KCNMA1: variants seen among roughly 807,000 people sequenced by gnomAD.
The protein encoded by KCNMA1 is Calcium-activated potassium channel subunit alpha-1.
A neutral mutation model predicts 140.0 loss-of-function variants in KCNMA1; 29 were observed. That is an observed-to-expected ratio of 0.21 (90% CI 0.15 to 0.28). KCNMA1 has a LOEUF of 0.28. KCNMA1 is among the 10% of genes least tolerant of loss of function. The pLI is 1.00. For missense variants in KCNMA1, 880 were observed against 1,602.2 expected (o/e 0.55, Z 7.70); for synonymous variants, 612 against 611.9 (o/e 1.00, Z 0.00).
At chr10:77,062,017 T>C (rs1182299530) in intron 14 of KCNMA1, among the ~76,000 whole-genome samples, 3 of 152,202 alleles carry the variant, frequency 2.0e-5, no homozygotes, top group Admixed American at 2.0e-4. Flanking sequence ...AGGGTGTGAC[T>C]GTACAGCATG....
intron 3 of KCNMA1, among the ~76,000 whole-genome samples, chr10:77,237,035 T>G (rs2055747482): frequency 6.6e-6 from 1 of 152,262 alleles, no homozygotes; most frequent in Non-Finnish European, 1.5e-5. Context: ...TCGTCCATTA[T>G]TCTGATAACC....
chr10:77,601,329 G>A (rs1488665327), intron 1 of KCNMA1, among the ~76,000 whole-genome samples: 14 of 152,134 alleles, frequency 9.2e-5, no homozygotes, highest in Admixed American at 6.5e-4. Flanking sequence ...AAGGACGGAC[G>A]ATCTCTAAGA....
At chr10:77,320,466 A>T (rs1009517448) in intron 2 of KCNMA1, among the ~76,000 whole-genome samples, 4 of 152,094 alleles carry the variant, frequency 2.6e-5, no homozygotes, top group Non-Finnish European at 4.4e-5. Flanking sequence ...AGGCACACTC[A>T]AAGAAGGAAG....
chr10:76,886,182 C>G lies in KCNMA1; in HGVS notation c.*1084G>C. ...TCTGCAGCTGGGTTTGTCTTCCTCT[C>G]ACTCTACCATTGCCCCAGCCCTTCC... is the stretch of plus-strand genomic sequence containing the variant. On this transcript the variant is annotated 3_prime_UTR_variant, in exon 28 of 28. Coordinates refer to ENST00000286628, the MANE Select transcript of KCNMA1 (RefSeq NM_001161352.2). 1 of 985,410 alleles carries G rather than the reference C, an allele frequency of 1.0e-6. No individual in the cohort carries two copies. Among genetic ancestry groups the G allele is most frequent in the Non-Finnish European group, 1.2e-6 (1 of 829,942 alleles). The allele number at this position is 985,410 out of a possible 1,614,324, so 61.0% of individuals were successfully genotyped here. A position where few individuals can be genotyped will look rare whatever the true frequency, so the allele number is the denominator to read the frequency against.
At chr10:77,307,429 T>C (rs946010052) in intron 2 of KCNMA1, among the ~76,000 whole-genome samples, 7 of 152,214 alleles carry the variant, frequency 4.6e-5, no homozygotes, top group South Asian at 4.1e-4. Context: ...AAGTGCAATA[T>C]TCAATAAATT....
At chr10:77,320,368 A>G (rs1225251117) in intron 2 of KCNMA1, among the ~76,000 whole-genome samples, 5 of 152,224 alleles carry the variant, frequency 3.3e-5, no homozygotes, top group Admixed American at 2.6e-4. Context: ...ACTTTCATGC[A>G]GGTTTCTCTG....
intron 2 of KCNMA1, among the ~76,000 whole-genome samples, chr10:77,361,951 C>T (rs774360978): frequency 1.3e-5 from 2 of 152,224 alleles, no homozygotes; most frequent in Non-Finnish European, 2.9e-5. Flanking sequence ...TGACCCAGCC[C>T]AGACAAATGT....
intron 2 of KCNMA1, among the ~76,000 whole-genome samples, chr10:77,367,781 A>C (rs250712): frequency 0.81 from 123,509 of 152,142 alleles, 50,332 homozygotes; most frequent in Middle Eastern, 0.88. Flanking sequence ...CCAAGGAAGT[A>C]ACATAAATGA....
chr10:77,276,145 G>A (rs1429129354), intron 2 of KCNMA1, among the ~76,000 whole-genome samples: 2 of 152,128 alleles, frequency 1.3e-5, no homozygotes, highest in Non-Finnish European at 2.9e-5. Context: ...TCACAGACAC[G>A]CACAGAATCA....
intron 12 of KCNMA1, among the ~76,000 whole-genome samples, chr10:77,080,295 T>C (rs930734860): frequency 6.6e-6 from 1 of 152,230 alleles, no homozygotes; most frequent in African/African-American, 2.4e-5. Context: ...CCAGAGCTGC[T>C]ACTCTATGGT....
chr10:77,428,313 C>G (rs916680484), intron 1 of KCNMA1, among the ~76,000 whole-genome samples: 1 of 152,110 alleles, frequency 6.6e-6, no homozygotes, highest in African/African-American at 2.4e-5. Flanking sequence ...AAGAGAGAAG[C>G]AAGTTGCTCA....
intron 2 of KCNMA1, among the ~76,000 whole-genome samples, chr10:77,284,577 G>A (rs1011648888): frequency 1.3e-5 from 2 of 151,814 alleles, no homozygotes; most frequent in African/African-American, 2.4e-5. Flanking sequence ...GCAGTGGCAC[G>A]ATCTCGACTC....
At chr10:76,893,732 T>C (rs528697651) in intron 25 of KCNMA1, among the ~76,000 whole-genome samples, 2 of 152,202 alleles carry the variant, frequency 1.3e-5, no homozygotes, top group South Asian at 4.2e-4. Flanking sequence ...AGAGTGAGAT[T>C]CTGTCTCAGA....
intron 13 of KCNMA1, among the ~76,000 whole-genome samples, 168 bp from the exon 14 acceptor site, chr10:77,073,420 A>C (rs965059046): frequency 2.0e-5 from 3 of 152,092 alleles, no homozygotes; most frequent in African/African-American, 7.2e-5. Context: ...TCTTCTGCTC[A>C]TCACACTTCA....
At position 77,432,301 on chromosome 10, in the gene KCNMA1, C is replaced by T. The variant is rs567440265; in HGVS notation, c.379-28278G>A. Among the ~76,000 whole-genome samples, 10 of 152,322 alleles carry T rather than the reference C, an allele frequency of 6.6e-5. No homozygotes were observed. In the South Asian group the frequency reaches 1.0e-3, roughly 16 times the overall value. ...CTTATGAGCACTATTCTAGGCACTGCGTGAGGCTGGGAAGGCCCTGCTCAC... is the reference window on the plus strand; with the variant it reads ...CTTATGAGCACTATTCTAGGCACTGTGTGAGGCTGGGAAGGCCCTGCTCAC... On this transcript the variant is annotated intron_variant, in intron 1 of 27. Coordinates refer to ENST00000286628, the MANE Select transcript of KCNMA1 (RefSeq NM_001161352.2).
At chr10:76,948,715 A>T (rs898853223) in intron 22 of KCNMA1, among the ~76,000 whole-genome samples, 1 of 152,232 alleles carries the variant, frequency 6.6e-6, no homozygotes, top group Non-Finnish European at 1.5e-5. Context: ...TGTTATTTGC[A>T]TTTATTTAGT....
intron 18 of KCNMA1, among the ~76,000 whole-genome samples, chr10:77,006,165 A>G (rs2088511700): frequency 6.6e-6 from 1 of 152,190 alleles, no homozygotes; most frequent in Admixed American, 6.5e-5. Flanking sequence ...CTTAATTTCC[A>G]GGGTGGATTG....
intron 6 of KCNMA1, among the ~76,000 whole-genome samples, chr10:77,119,818 T>C (rs894121829): frequency 1.3e-5 from 2 of 152,166 alleles, no homozygotes; most frequent in Non-Finnish European, 1.5e-5. Context: ...TCTTTTCAAC[T>C]TGACTAATAG....
intron 2 of KCNMA1, among the ~76,000 whole-genome samples, chr10:77,323,021 C>T (rs2082809110): frequency 6.6e-6 from 1 of 152,166 alleles, no homozygotes; most frequent in African/African-American, 2.4e-5. Context: ...TGACTGGGAC[C>T]AAACCAAGAT....
Sources: gnomAD v4.1 joint callset for allele counts (sites outside exome capture counted in the v4.1 genomes callset) on GRCh38, gnomAD v4.1.1 for gene constraint, MANE v1.5 for transcripts, NCBI Gene and HGNC (gene_info 2026-07-23, HGNC 2026-07-21) for gene names.